The following TF variants were observed in gnomAD, a reference collection of about 807,000 sequenced individuals.
TF encodes serotransferrin.
TF carries 55 observed loss-of-function variants against 82.4 expected under a neutral mutation model. The observed-to-expected ratio is 0.67, with a 90% confidence interval of 0.54 to 0.84. The LOEUF is 0.84. Among genes scored for constraint, TF ranks in the 40% least tolerant of loss-of-function variants. The probability of loss-of-function intolerance (pLI) is 0.00; values close to 1 mark genes in which losing one functional copy is unlikely to be tolerated. For missense variants in TF, 737 were observed against 868.4 expected (o/e 0.85, Z 1.90); for synonymous variants, 332 against 332.6 (o/e 1.00, Z 0.02).
chr3:133,686,286 G>T, the TF span, among the ~76,000 whole-genome samples: 1 of 152,132 alleles, frequency 6.6e-6, no homozygotes, highest in Non-Finnish European at 1.5e-5. Flanking sequence ...ACATAGGCAT[G>T]GGCAAGGACT....
In TF at chr3:133,796,311, G is replaced by A. The variant is rs932889329; in HGVS notation, c.*17691G>A. 2 of 152,320 alleles carry A rather than the reference G, an allele frequency of 1.3e-5. No homozygotes were observed. Among genetic ancestry groups the A allele is most frequent in the Non-Finnish European group, 2.9e-5 (2 of 68,116 alleles). 9.4% of individuals were successfully genotyped at this position (152,320 alleles called of 1,614,324 possible). On this transcript the variant is annotated 3_prime_UTR_variant, in exon 17 of 17. Transcript: ENST00000402696. ...CAACATGAAGCAGTTACAAAAGAAA[G>A]ACCATCGGCCCCTCCACCTCCCATA...
At chr3:133,663,478 G>C in the TF span, among the ~76,000 whole-genome samples, 2 of 146,676 alleles carry the variant, frequency 1.4e-5, no homozygotes, top group African/African-American at 5.0e-5. Context: ...AAAATCACTA[G>C]AGGTGGGAAA....
At position 133,787,813 on chromosome 3, in the gene TF, A is replaced by G. The variant is rs1039588844; in HGVS notation, c.*9193A>G. On this transcript the variant is annotated 3_prime_UTR_variant, in exon 17 of 17. Transcript: ENST00000402696. ...GAAAAATGAGTCCTAATTTTAAAAT[A>G]TCCACTCTCTAGATACTAAAGAGGT... 5 of 152,264 alleles carry G rather than the reference A, an allele frequency of 3.3e-5. No individual in the cohort carries two copies. The highest frequency in any genetic ancestry group is 9.6e-5 in the African/African-American group (4 of 41,468). 9.4% of individuals were successfully genotyped at this position (152,264 alleles called of 1,614,324 possible).
the TF span, among the ~76,000 whole-genome samples, chr3:133,719,023 C>T: frequency 6.6e-6 from 1 of 152,166 alleles, no homozygotes. Context: ...CTGACAATTG[C>T]TAGCCATTTC....
rs1275173537 is a variant in TF at position 133,768,285 on chromosome 3, A to G, written c.1622+121A>G. On this transcript the variant is annotated intron_variant, in intron 13 of 16. Transcript: ENST00000402696. ...TTAGTGCGGCATGTATTAAGAGAGT[A>G]TATTTCACAACCAGATATAGAGCCA... 4.4e-6 allele frequency: 6 copies of G among 1,360,954 alleles called. No individual in the cohort carries two copies. In the Admixed American group the frequency reaches 1.2e-4, roughly 28 times the overall value. 84.3% of individuals were successfully genotyped at this position (1,360,954 alleles called of 1,614,324 possible). A position where few individuals can be genotyped will look rare whatever the true frequency, so the allele number is the denominator to read the frequency against.
At chr3:133,764,300 G>A (rs1277830940) in intron 10 of TF, 25 bp downstream of exon 10, 2 of 1,577,482 alleles carry the variant, frequency 1.3e-6, no homozygotes, top group East Asian at 2.2e-5. Flanking sequence ...GCACCTCTCT[G>A]TGTTTTCTTC....
At chr3:133,725,366 C>T in the TF span, among the ~76,000 whole-genome samples, 1 of 152,078 alleles carries the variant, frequency 6.6e-6, no homozygotes, top group Non-Finnish European at 1.5e-5. Flanking sequence ...TGGGGAGGTC[C>T]TTCACGTCCC....
chr3:133,703,762 C>G, the TF span, among the ~76,000 whole-genome samples: 1 of 152,110 alleles, frequency 6.6e-6, no homozygotes. Context: ...AGTGTATTAT[C>G]TAGAGAAATG....
chr3:133,714,469 A>G, the TF span, among the ~76,000 whole-genome samples: 1 of 152,216 alleles, frequency 6.6e-6, no homozygotes, highest in Non-Finnish European at 1.5e-5. Flanking sequence ...ATTTTCACAG[A>G]TCTACAACAA....
chr3:133,680,928 T>C, the TF span, among the ~76,000 whole-genome samples: 1 of 152,204 alleles, frequency 6.6e-6, no homozygotes, highest in African/African-American at 2.4e-5. Context: ...GGTATGATAA[T>C]AACTGTGAAA....
Position 133,757,807 on chromosome 3 carries a change from AT to A in TF, c.911del (p.Phe304SerfsTer19). 6.2e-7 allele frequency: 1 copy of A among 1,614,222 alleles called. No homozygotes were observed. Among genetic ancestry groups the A allele is most frequent in the South Asian group, 1.1e-5 (1 of 91,090 alleles). On this transcript the variant is annotated frameshift_variant, in exon 8 of 17. Transcript: ENST00000402696. LOFTEE classifies it high-confidence loss of function. ...AAGACAAATCAAAAGAATTCCAACT[AT>A]TCAGCTCTCCTCATGGGAAGGACCT... ...GKDKSKEFQLFSSPHGKDLLF... is the reference protein window; with the variant it reads ...GKDKSKEFQLXSSPHGKDLLF...
chr3:133,724,018 G>A, the TF span, among the ~76,000 whole-genome samples: 3 of 152,140 alleles, frequency 2.0e-5, no homozygotes, highest in Non-Finnish European at 4.4e-5. Context: ...GTATTCCATG[G>A]TGTATATGTG....
At chr3:133,669,094 G>A in the TF span, among the ~76,000 whole-genome samples, 273 of 152,070 alleles carry the variant, frequency 1.8e-3, 2 homozygotes, top group East Asian at 5.2e-3. Flanking sequence ...TCCGCCTCCC[G>A]GGTTCAAGCG....
the TF span, among the ~76,000 whole-genome samples, chr3:133,672,940 A>T: frequency 1.3e-5 from 2 of 152,238 alleles, no homozygotes; most frequent in Admixed American, 6.5e-5. Context: ...CATGATTTTT[A>T]AAAAATTTAG....
chr3:133,705,049 T>C, the TF span, among the ~76,000 whole-genome samples: 1 of 152,020 alleles, frequency 6.6e-6, no homozygotes, highest in Non-Finnish European at 1.5e-5. Context: ...CTGAGGTGGG[T>C]GGATCACGTG....
chr3:133,700,653 G>C, the TF span, among the ~76,000 whole-genome samples: 1 of 152,218 alleles, frequency 6.6e-6, no homozygotes, highest in Admixed American at 6.5e-5. Flanking sequence ...GGATGGATCT[G>C]GGGGGTGGCC....
At chr3:133,739,119 T>C in the TF span, among the ~76,000 whole-genome samples, 2 of 152,152 alleles carry the variant, frequency 1.3e-5, no homozygotes, top group Admixed American at 1.3e-4. Flanking sequence ...AACAGATATA[T>C]AGACCAATGG....
chr3:133,755,221 G>C (rs1933790918), intron 4 of TF, 142 bp from the exon 5 acceptor site: 3 of 1,035,858 alleles, frequency 2.9e-6, no homozygotes, highest in Non-Finnish European at 4.5e-6. Context: ...ATCTTGATGA[G>C]TTAGCATAAG....
the TF span, among the ~76,000 whole-genome samples, chr3:133,733,169 A>G: frequency 2.0e-5 from 3 of 152,180 alleles, no homozygotes; most frequent in South Asian, 2.1e-4. Flanking sequence ...AATCCAAATT[A>G]TTTGACACCT....
Sources: gnomAD v4.1 joint callset for allele counts (sites outside exome capture counted in the v4.1 genomes callset) on GRCh38, gnomAD v4.1.1 for gene constraint, MANE v1.5 for transcripts, NCBI Gene and HGNC (gene_info 2026-07-23, HGNC 2026-07-21) for gene names.